Variants in PPARGC1A observed in about 807,000 individuals in gnomAD.
PPARGC1A encodes the protein peroxisome proliferator-activated receptor gamma coactivator 1-alpha.
PPARGC1A carries 25 observed loss-of-function variants against 88.7 expected under a neutral mutation model. The observed-to-expected ratio is 0.28, with a 90% CI of 0.21 to 0.39. The LOEUF is 0.39. Ranked by LOEUF, PPARGC1A falls within the 10% of genes least tolerant of loss-of-function variation. PPARGC1A has a pLI of 1.00. For missense variants in PPARGC1A, 880 were observed against 968.7 expected (o/e 0.91, Z 1.22); for synonymous variants, 363 against 355.6 (o/e 1.02, Z -0.24).
chr4:24,178,196 G>C, the PPARGC1A span, among the ~76,000 whole-genome samples: 773 of 152,276 alleles, frequency 5.1e-3, 10 homozygotes, highest in African/African-American at 0.018. Flanking sequence ...AGCACCTACT[G>C]TTTGCAACTC....
At chr4:24,446,880 G>A in the PPARGC1A span, among the ~76,000 whole-genome samples, 7 of 152,078 alleles carry the variant, frequency 4.6e-5, no homozygotes, top group African/African-American at 7.2e-5. Context: ...GATTACAGGC[G>A]TGAGCCACCA....
the PPARGC1A span, among the ~76,000 whole-genome samples, chr4:24,437,658 G>A: frequency 1.3e-5 from 2 of 150,206 alleles, no homozygotes; most frequent in African/African-American, 4.9e-5. Context: ...GTTTTTTGGG[G>A]GTTTTTTTCT....
intron 2 of PPARGC1A, among the ~76,000 whole-genome samples, chr4:23,842,467 G>A (rs1017231198): frequency 2.6e-5 from 4 of 151,974 alleles, no homozygotes; most frequent in African/African-American, 4.8e-5. Flanking sequence ...GAAAAACTTG[G>A]ATCCATAGAC....
the PPARGC1A span, among the ~76,000 whole-genome samples, chr4:24,377,523 T>C: frequency 6.6e-6 from 1 of 152,156 alleles, no homozygotes; most frequent in Non-Finnish European, 1.5e-5. Context: ...AGCCTGATTC[T>C]CGGTTCCTGT....
the PPARGC1A span, among the ~76,000 whole-genome samples, chr4:24,281,924 A>G: frequency 6.6e-6 from 1 of 152,230 alleles, no homozygotes; most frequent in East Asian, 1.9e-4. Context: ...CTTATCTCTG[A>G]TGCAACAACT....
At chr4:24,025,385 A>G in the PPARGC1A span, among the ~76,000 whole-genome samples, 2 of 152,130 alleles carry the variant, frequency 1.3e-5, no homozygotes, top group African/African-American at 4.8e-5. Context: ...CTGGATTTTG[A>G]GAGTACAGGA....
the PPARGC1A span, among the ~76,000 whole-genome samples, chr4:24,149,668 T>C: frequency 6.6e-6 from 1 of 152,184 alleles, no homozygotes; most frequent in Non-Finnish European, 1.5e-5. Flanking sequence ...GATGCAGATG[T>C]TCCTAAAATG....
chr4:24,328,121 A>G, the PPARGC1A span, among the ~76,000 whole-genome samples: 1 of 151,778 alleles, frequency 6.6e-6, no homozygotes, highest in African/African-American at 2.4e-5. Flanking sequence ...CTCTCTTTTC[A>G]GACTCAGCCC....
chr4:24,263,000 T>A, the PPARGC1A span, among the ~76,000 whole-genome samples: 1 of 152,128 alleles, frequency 6.6e-6, no homozygotes, highest in Non-Finnish European at 1.5e-5. Context: ...CTTCCTTTAC[T>A]TAACAGTCCT....
At chr4:24,415,387 T>C in the PPARGC1A span, among the ~76,000 whole-genome samples, 1 of 152,196 alleles carries the variant, frequency 6.6e-6, no homozygotes, top group South Asian at 2.1e-4. Context: ...ACAGCAATTC[T>C]TAAGTAACAT....
intron 1 of PPARGC1A, among the ~76,000 whole-genome samples, chr4:23,888,484 C>T (rs1350517396): frequency 2.6e-5 from 4 of 152,202 alleles, no homozygotes; most frequent in Non-Finnish European, 4.4e-5. Context: ...CAACCACCCA[C>T]AGGACACTCC....
the PPARGC1A span, among the ~76,000 whole-genome samples, chr4:24,384,431 A>G: frequency 6.6e-6 from 1 of 152,128 alleles, no homozygotes; most frequent in Admixed American, 6.6e-5. Flanking sequence ...TAAAAGACAC[A>G]GACTGGCAAA....
chr4:24,048,191 T>C, the PPARGC1A span, among the ~76,000 whole-genome samples: 2 of 152,294 alleles, frequency 1.3e-5, no homozygotes, highest in South Asian at 2.1e-4. Context: ...CCATTTATCT[T>C]TTTCGTCACC....
At chr4:23,963,577 C>T in the PPARGC1A span, among the ~76,000 whole-genome samples, 1 of 152,134 alleles carries the variant, frequency 6.6e-6, no homozygotes, top group Non-Finnish European at 1.5e-5. Flanking sequence ...CAAGAGGTAT[C>T]TTGTCTTTGT....
intron 2 of PPARGC1A, 90 bp downstream of exon 2, chr4:23,884,662 G>T: frequency 8.9e-7 from 1 of 1,126,642 alleles, no homozygotes; most frequent in Non-Finnish European, 1.2e-6. Flanking sequence ...AGCAAAGTAA[G>T]AACTCATTAT....
the PPARGC1A span, among the ~76,000 whole-genome samples, chr4:24,359,919 GGCA>G: frequency 2.0e-5 from 3 of 152,114 alleles, no homozygotes; most frequent in Non-Finnish European, 4.4e-5. Flanking sequence ...TCAAGTTTGT[GGCA>G]ACTTGTTACA....
chr4:24,281,178 GC>G, the PPARGC1A span, among the ~76,000 whole-genome samples: 1 of 152,198 alleles, frequency 6.6e-6, no homozygotes, highest in African/African-American at 2.4e-5. Flanking sequence ...CTTCAGCCAA[GC>G]AAATTCAGTA....
chr4:24,360,847 A>G, the PPARGC1A span, among the ~76,000 whole-genome samples: 1 of 152,222 alleles, frequency 6.6e-6, no homozygotes, highest in African/African-American at 2.4e-5. Context: ...TTAAATATGG[A>G]TATATAGATT....
At chr4:23,872,150 A>G (rs1713509527) in intron 2 of PPARGC1A, among the ~76,000 whole-genome samples, 1 of 152,182 alleles carries the variant, frequency 6.6e-6, no homozygotes, top group Non-Finnish European at 1.5e-5. Flanking sequence ...CTGAAATACC[A>G]TTCTCAAATA....
Sources: allele counts gnomAD v4.1 joint callset (sites outside exome capture counted in the v4.1 genomes callset), GRCh38; gene constraint gnomAD v4.1.1; transcripts MANE v1.5; gene names NCBI Gene and HGNC (gene_info 2026-07-23, HGNC 2026-07-21).